Variants in KLHL14 observed in about 807,000 individuals in gnomAD.
The protein encoded by KLHL14 is kelch-like protein 14.
Under a neutral mutation model 64.3 loss-of-function variants are expected in KLHL14, and 22 were observed. The ratio of observed to expected loss-of-function variants is 0.34; its 90% CI spans 0.24 to 0.49. The LOEUF is 0.49. KLHL14 is among the 20% of genes least tolerant of loss of function. The probability of loss-of-function intolerance (pLI) is 0.99; values close to 1 mark genes in which losing one functional copy is unlikely to be tolerated. For synonymous variants in KLHL14, 322 were observed against 333.4 expected (o/e 0.97, Z 0.37); for missense variants, 661 against 789.0 (o/e 0.84, Z 1.94).
Position 32,673,276 on chromosome 18 carries a change from C to G in KLHL14, c.*1381G>C, listed in dbSNP as rs1380620295. Reference sequence around the variant, plus strand: ...TTCATCTGTGGGATTTCCCTAATTACTGTTTTGAATGACACATTTGTTGAA... The same window carrying G: ...TTCATCTGTGGGATTTCCCTAATTAGTGTTTTGAATGACACATTTGTTGAA... On this transcript the variant is annotated 3_prime_UTR_variant, in exon 9 of 9. Coordinates refer to ENST00000359358, the MANE Select transcript of KLHL14 (RefSeq NM_020805.3). 1 of 152,512 alleles carries G rather than the reference C, an allele frequency of 6.6e-6. No individual in the cohort carries two copies. Among genetic ancestry groups the G allele is most frequent in the East Asian group, 1.9e-4 (1 of 5,192 alleles). The allele number at this position is 152,512 out of a possible 1,614,324, so 9.4% of individuals were successfully genotyped here.
At chr18:32,698,823 A>AT (rs1356585208) in intron 3 of KLHL14, among the ~76,000 whole-genome samples, 1 of 152,124 alleles carries the variant, frequency 6.6e-6, no homozygotes, top group Non-Finnish European at 1.5e-5. Context: ...AATTTGTACC[A>AT]TTTTTGCCCG....
At chr18:32,677,418 A>C in intron 7 of KLHL14, 88 bp from the exon 8 acceptor site, 1 of 1,170,076 alleles carries the variant, frequency 8.5e-7, no homozygotes, top group Non-Finnish European at 1.2e-6. Flanking sequence ...AACAAGTCTC[A>C]AGCCAAAATA....
intron 7 of KLHL14, among the ~76,000 whole-genome samples, chr18:32,679,459 C>T (rs940989029): frequency 6.6e-6 from 1 of 152,014 alleles, no homozygotes; most frequent in African/African-American, 2.4e-5. Flanking sequence ...GAAACTGAGG[C>T]CCAAAGCAGT....
chr18:32,770,111 T>G lies in KLHL14; in HGVS notation c.481A>C (p.Ser161Arg). 6.2e-7 allele frequency: 1 copy of G among 1,614,194 alleles called. No homozygotes were observed. Residue 161 changes from serine (S) to arginine (R), a missense_variant, in exon 2 of 9, where the codon AGC becomes CGC. Physicochemically the swap from Ser to Arg is moderately radical, Grantham distance 110 (BLOSUM62 -1). Around this residue, in one of 2 missense-constraint regions of KLHL14, gnomAD observed 331 missense variants for 339.0 expected, o/e 0.98. Transcript: ENST00000359358. This position sits in a 1 kb window ranked among gnomAD's most constrained non-coding sequence, Gnocchi z 6.7. Reference sequence around the variant, plus strand: ...ACCTGGGGGATGTGCAGGATCTTGCTGACCGACAGCACCTCCTCCACCGTG... The same window carrying G: ...ACCTGGGGGATGTGCAGGATCTTGCGGACCGACAGCACCTCCTCCACCGTG... The part of the protein sequence containing the change: ...LDTVEEVLSV[S>R]KILHIPQVTK...
At chr18:32,769,367 G>A (rs1004901157) in intron 2 of KLHL14, among the ~76,000 whole-genome samples, 1 of 152,182 alleles carries the variant, frequency 6.6e-6, no homozygotes, top group African/African-American at 2.4e-5. Context: ...GTCAATTTCA[G>A]TCTGAGTCCA....
At chr18:32,682,833 T>C (rs2144468749) in intron 5 of KLHL14, among the ~76,000 whole-genome samples, 2 of 152,336 alleles carry the variant, frequency 1.3e-5, no homozygotes, top group South Asian at 4.1e-4. Context: ...ACATATTTTT[T>C]TTCCAACACT....
At chr18:32,733,620 T>C (rs1248590608) in intron 3 of KLHL14, 1 of 152,676 alleles carries the variant, frequency 6.5e-6, no homozygotes. Context: ...TAAGTGTTTA[T>C]AGACATGGAA....
intron 3 of KLHL14, among the ~76,000 whole-genome samples, chr18:32,696,392 TG>T (rs1300866997): frequency 1.3e-5 from 2 of 152,198 alleles, no homozygotes; most frequent in Non-Finnish European, 2.9e-5. Flanking sequence ...TCTCCTTTTG[TG>T]CTGTGCAGTG....
At chr18:32,719,636 A>G (rs528674572) in intron 3 of KLHL14, among the ~76,000 whole-genome samples, 4 of 152,352 alleles carry the variant, frequency 2.6e-5, no homozygotes, top group African/African-American at 9.6e-5. Context: ...CTATTCATTC[A>G]TTTATTCAAT....
chr18:32,679,331 G>A (rs1440246384), intron 7 of KLHL14, among the ~76,000 whole-genome samples: 6 of 152,078 alleles, frequency 3.9e-5, no homozygotes, highest in East Asian at 1.9e-4. Context: ...ACACATGTGC[G>A]TTATCTACCA....
At position 32,674,571 on chromosome 18, in the gene KLHL14, A is replaced by G. The variant is rs2049801290; in HGVS notation, c.*86T>C. 4.2e-6 allele frequency: 3 copies of G among 707,486 alleles called. No homozygotes were observed. In the South Asian group the frequency reaches 4.9e-5, roughly 11 times the overall value. 43.8% of individuals were successfully genotyped at this position (707,486 alleles called of 1,614,324 possible). A position where few individuals can be genotyped will look rare whatever the true frequency, so the allele number is the denominator to read the frequency against. On this transcript the variant is annotated 3_prime_UTR_variant, in exon 9 of 9. Coordinates refer to ENST00000359358, the MANE Select transcript of KLHL14 (RefSeq NM_020805.3). ...GGTGGGTTTTGGCAGTTGTACCATT[A>G]GAATGCATTGTTCCTATTATAATAG...
chr18:32,745,667 A>C (rs1435211535), intron 2 of KLHL14: 1 of 152,232 alleles, frequency 6.6e-6, no homozygotes, highest in Admixed American at 6.5e-5. Flanking sequence ...AATGTCAACT[A>C]TTCAATTACT....
rs186297993 is a variant in KLHL14 at position 32,719,617 on chromosome 18, G to A, written c.1069+22311C>T. On this transcript the variant is annotated intron_variant, in intron 3 of 8. Transcript: ENST00000359358. Reference sequence around the variant, plus strand: ...TAGGGTTGCTTAAGCTGCTCTTGTCGTTTAGGCACTATTCATTCATTTATT... The same window carrying A: ...TAGGGTTGCTTAAGCTGCTCTTGTCATTTAGGCACTATTCATTCATTTATT... 3.0e-4 allele frequency among the ~76,000 whole-genome samples: 46 copies of A among 152,302 alleles called. No homozygotes were observed. In the East Asian group the frequency reaches 7.1e-3, roughly 24 times the overall value.
intron 2 of KLHL14, among the ~76,000 whole-genome samples, chr18:32,748,644 G>T (rs1047146933): frequency 7.9e-6 from 1 of 126,820 alleles, no homozygotes; most frequent in African/African-American, 2.9e-5. Context: ...GTGAGCCACC[G>T]CACCAGGCTT....
At chr18:32,702,608 G>GCT (rs2049971541) in intron 3 of KLHL14, among the ~76,000 whole-genome samples, 1 of 151,736 alleles carries the variant, frequency 6.6e-6, no homozygotes, top group Non-Finnish European at 1.5e-5. Flanking sequence ...ATAGGAAAAA[G>GCT]CTCTGCTACT....
chr18:32,756,252 C>T (rs1037294579), intron 2 of KLHL14, among the ~76,000 whole-genome samples: 1 of 152,192 alleles, frequency 6.6e-6, no homozygotes, highest in Non-Finnish European at 1.5e-5. Context: ...TGTGGGCATA[C>T]AGCAGGAAGG....
chr18:32,712,854 G>C (rs12970129), intron 3 of KLHL14, among the ~76,000 whole-genome samples: 40,319 of 151,908 alleles, frequency 0.27, 5,474 homozygotes, highest in Middle Eastern at 0.35. Flanking sequence ...CTCATATCAT[G>C]TACCTGAAAC....
At chr18:32,718,022 T>C (rs2050054995) in intron 3 of KLHL14, among the ~76,000 whole-genome samples, 2 of 152,236 alleles carry the variant, frequency 1.3e-5, no homozygotes, top group African/African-American at 2.4e-5. Context: ...AAAATGAGTT[T>C]TGTATTTGCT....
At chr18:32,689,459 T>C (rs1384849993) in intron 4 of KLHL14, among the ~76,000 whole-genome samples, 1 of 152,168 alleles carries the variant, frequency 6.6e-6, no homozygotes, top group Admixed American at 6.6e-5. Context: ...TTTGGCAGCA[T>C]GAAGGTTGCT....
Sources: gnomAD v4.1 joint callset for allele counts (sites outside exome capture counted in the v4.1 genomes callset) on GRCh38, gnomAD v4.1.1 for gene constraint, gnomAD v4.1.1 regional missense constraint, Gnocchi (gnomAD v3.1) non-coding constraint, MANE v1.5 for transcripts, NCBI Gene and HGNC (gene_info 2026-07-23, HGNC 2026-07-21) for gene names.